LHFPL3: variants seen among roughly 807,000 people sequenced by gnomAD.
The protein encoded by LHFPL3 is LHFPL tetraspan subfamily member 3 protein.
Under a neutral mutation model 19.3 loss-of-function variants are expected in LHFPL3, and 5 were observed. The observed-to-expected ratio is 0.26, with a 90% CI of 0.14 to 0.54. LHFPL3 has a LOEUF of 0.54. LHFPL3 is among the 20% of genes least tolerant of loss of function. The pLI is 0.94. For missense variants in LHFPL3, 249 were observed against 307.4 expected (o/e 0.81, Z 1.42); for synonymous variants, 133 against 126.2 (o/e 1.05, Z -0.36).
chr7:104,719,387 A>T (rs767594174), intron 1 of LHFPL3, among the ~76,000 whole-genome samples: 5 of 152,188 alleles, frequency 3.3e-5, no homozygotes, highest in Non-Finnish European at 5.9e-5. Context: ...AAATCAAGCC[A>T]AAAAAGGGGG....
intron 2 of LHFPL3, among the ~76,000 whole-genome samples, chr7:104,894,014 C>T (rs939263735): frequency 1.1e-4 from 17 of 151,864 alleles, no homozygotes; most frequent in African/African-American, 4.1e-4. Context: ...AATACAGATG[C>T]CAGTCTCCAT....
intron 2 of LHFPL3, among the ~76,000 whole-genome samples, chr7:104,887,080 C>T (rs941885435): frequency 3.3e-5 from 5 of 152,230 alleles, no homozygotes; most frequent in Non-Finnish European, 7.3e-5. Context: ...TCCTTTCATG[C>T]CAAAACTTGT....
intron 1 of LHFPL3, among the ~76,000 whole-genome samples, chr7:104,615,121 A>C (rs1791307756): frequency 6.6e-6 from 1 of 152,172 alleles, no homozygotes; most frequent in Non-Finnish European, 1.5e-5. Context: ...CTAAAAGTCT[A>C]TACACAAAAT....
chr7:104,840,077 G>T (rs933482812), intron 2 of LHFPL3, among the ~76,000 whole-genome samples: 1 of 151,726 alleles, frequency 6.6e-6, no homozygotes, highest in African/African-American at 2.4e-5. Flanking sequence ...TATTAATGAT[G>T]TTAATATTAT....
chr7:104,843,799 A>G (rs1370561800), intron 2 of LHFPL3, among the ~76,000 whole-genome samples: 1 of 152,206 alleles, frequency 6.6e-6, no homozygotes, highest in African/African-American at 2.4e-5. Flanking sequence ...GATAGGAGGT[A>G]TTGGAGGGGA....
chr7:104,409,713 T>G (rs1791497040), intron 1 of LHFPL3, among the ~76,000 whole-genome samples: 1 of 152,160 alleles, frequency 6.6e-6, no homozygotes, highest in African/African-American at 2.4e-5. Flanking sequence ...TAAAAGCTAT[T>G]TCATTGTATT....
In LHFPL3 at chr7:104,636,303, T is replaced by C. The variant is rs549084676; in HGVS notation, c.446-100372T>C. Reference sequence around the variant, plus strand: ...GGAAGTTAATGCCAGAAGGAACAGCTCAAAGAGTTGAATGGTGCTACTAAC... The same window carrying C: ...GGAAGTTAATGCCAGAAGGAACAGCCCAAAGAGTTGAATGGTGCTACTAAC... On this transcript the variant is annotated intron_variant, in intron 1 of 2. Transcript: ENST00000424859. Among the ~76,000 whole-genome samples, 60 of 152,210 alleles carry C rather than the reference T, an allele frequency of 3.9e-4. No individual in the cohort carries two copies. The South Asian group carries it at 0.012, about 31-fold the overall frequency.
chr7:104,856,693 A>C (rs1791512404), intron 2 of LHFPL3, among the ~76,000 whole-genome samples: 1 of 152,232 alleles, frequency 6.6e-6, no homozygotes, highest in Admixed American at 6.5e-5. Flanking sequence ...TCTTTAAATC[A>C]CTTGCTTAGT....
At chr7:104,585,000 G>A (rs529455128) in intron 1 of LHFPL3, among the ~76,000 whole-genome samples, 1 of 152,250 alleles carries the variant, frequency 6.6e-6, no homozygotes, top group African/African-American at 2.4e-5. Context: ...CATTCATGAA[G>A]GATGGCTATT....
intron 1 of LHFPL3, among the ~76,000 whole-genome samples, chr7:104,618,501 T>C (rs1215034238): frequency 1.3e-5 from 2 of 152,216 alleles, no homozygotes; most frequent in Non-Finnish European, 1.5e-5. Context: ...CATTCTTAAA[T>C]ACCATGCTTT....
intron 2 of LHFPL3, among the ~76,000 whole-genome samples, chr7:104,763,661 A>T (rs1043922769): frequency 1.3e-5 from 2 of 152,206 alleles, no homozygotes; most frequent in African/African-American, 4.8e-5. Context: ...GGTATCAAGA[A>T]TCTTCCTGGT....
intron 1 of LHFPL3, among the ~76,000 whole-genome samples, chr7:104,485,115 A>G (rs1793213140): frequency 6.6e-6 from 1 of 152,134 alleles, no homozygotes; most frequent in Non-Finnish European, 1.5e-5. Context: ...TATTCATATA[A>G]CTTGAACTTT....
chr7:104,524,027 T>C (rs936825644), intron 1 of LHFPL3, among the ~76,000 whole-genome samples: 1 of 152,210 alleles, frequency 6.6e-6, no homozygotes, highest in Non-Finnish European at 1.5e-5. Flanking sequence ...ATTAATATAA[T>C]AGAATCTTGA....
At chr7:104,792,540 G>C (rs1361359568) in intron 2 of LHFPL3, among the ~76,000 whole-genome samples, 4 of 152,174 alleles carry the variant, frequency 2.6e-5, no homozygotes, top group Non-Finnish European at 4.4e-5. Context: ...CTCTGGGTAA[G>C]AGAGTACGAG....
intron 1 of LHFPL3, among the ~76,000 whole-genome samples, chr7:104,431,228 A>C (rs751064897): frequency 6.6e-6 from 1 of 152,178 alleles, no homozygotes; most frequent in Non-Finnish European, 1.5e-5. Context: ...TAAATTGATC[A>C]TCATAACAGT....
intron 2 of LHFPL3, among the ~76,000 whole-genome samples, chr7:104,741,327 A>T (rs1173012314): frequency 6.6e-6 from 1 of 152,174 alleles, no homozygotes; most frequent in Non-Finnish European, 1.5e-5. Context: ...TAAAAAGTAC[A>T]TTAAAAATGT....
chr7:104,701,221 T>G (rs1793093419), intron 1 of LHFPL3, among the ~76,000 whole-genome samples: 1 of 152,198 alleles, frequency 6.6e-6, no homozygotes, highest in African/African-American at 2.4e-5. Flanking sequence ...GATATCAGTC[T>G]GATTCTTGTC....
At chr7:104,845,408 A>T in intron 2 of LHFPL3, 1 of 1,535,818 alleles carries the variant, frequency 6.5e-7, no homozygotes, top group Non-Finnish European at 8.7e-7. Flanking sequence ...AGGCAAACTA[A>T]GGTAGTGTGA....
intron 1 of LHFPL3, among the ~76,000 whole-genome samples, chr7:104,613,257 C>G (rs1010018518): frequency 1.3e-5 from 2 of 152,156 alleles, no homozygotes; most frequent in East Asian, 3.9e-4. Flanking sequence ...ATGCCAGAGC[C>G]TCAGAACTCT....
Sources: allele counts gnomAD v4.1 joint callset (sites outside exome capture counted in the v4.1 genomes callset), GRCh38; gene constraint gnomAD v4.1.1; transcripts MANE v1.5; gene names NCBI Gene and HGNC (gene_info 2026-07-23, HGNC 2026-07-21).